The following NRXN1 variants were observed in gnomAD, a reference collection of about 807,000 sequenced individuals.
NRXN1 encodes the protein neurexin 1, also known as neurexin-1.
In NRXN1, 39 loss-of-function variants were observed where a neutral mutation model predicts 150.9. That is an observed-to-expected ratio of 0.26 (90% CI 0.20 to 0.34). The LOEUF is 0.34. Among genes scored for constraint, NRXN1 ranks in the 10% least tolerant of loss-of-function variants. The pLI is 1.00. For synonymous variants in NRXN1, 924 were observed against 757.0 expected (o/e 1.22, Z -3.62); for missense variants, 1,815 against 1,949.9 (o/e 0.93, Z 1.30).
intron 5 of NRXN1, among the ~76,000 whole-genome samples, chr2:50,818,114 C>CA (rs199675644): frequency 0.039 from 1,826 of 46,234 alleles, 26 homozygotes; most frequent in African/African-American, 0.1. Context: ...GACTCCATAG[C>CA]AAAAAAAAAA....
intron 18 of NRXN1, among the ~76,000 whole-genome samples, chr2:50,217,334 T>C (rs1195264764): frequency 6.6e-6 from 1 of 152,070 alleles, no homozygotes; most frequent in Non-Finnish European, 1.5e-5. Flanking sequence ...ATGTTCAACA[T>C]GCATATCAGA....
chr2:50,278,742 G>A (rs534489189), intron 17 of NRXN1, among the ~76,000 whole-genome samples: 2 of 152,186 alleles, frequency 1.3e-5, no homozygotes, highest in African/African-American at 4.8e-5. Flanking sequence ...GGATAGGCTG[G>A]AATTCAATTA....
chr2:50,170,893 T>C (rs1324450314), intron 18 of NRXN1, among the ~76,000 whole-genome samples: 3 of 151,966 alleles, frequency 2.0e-5, no homozygotes, highest in African/African-American at 7.2e-5. Context: ...CCCCAAATTT[T>C]AACAACCAGT....
chr2:50,716,419 A>C (rs775526996), intron 5 of NRXN1, among the ~76,000 whole-genome samples: 2 of 152,190 alleles, frequency 1.3e-5, no homozygotes, highest in Non-Finnish European at 2.9e-5. Flanking sequence ...TCATTGAAGA[A>C]AAAGAATAAA....
intron 17 of NRXN1, among the ~76,000 whole-genome samples, chr2:50,237,828 C>T (rs573662474): frequency 1.3e-5 from 2 of 152,026 alleles, no homozygotes; most frequent in South Asian, 2.1e-4. Flanking sequence ...AATGGTAAAC[C>T]CCATAAACCC....
chr2:50,418,652 G>A (rs1024661630), intron 17 of NRXN1, among the ~76,000 whole-genome samples: 2 of 151,950 alleles, frequency 1.3e-5, no homozygotes, highest in African/African-American at 4.8e-5. Flanking sequence ...CCCTTGTACA[G>A]GAGAACTCCC....
intron 8 of NRXN1, among the ~76,000 whole-genome samples, chr2:50,598,507 T>C (rs1245592638): frequency 6.6e-6 from 1 of 151,412 alleles, no homozygotes; most frequent in Non-Finnish European, 1.5e-5. Flanking sequence ...AAGCCATTTA[T>C]ACACATACTT....
intron 8 of NRXN1, among the ~76,000 whole-genome samples, chr2:50,588,536 A>G (rs1002499055): frequency 2.0e-5 from 3 of 152,158 alleles, no homozygotes; most frequent in Non-Finnish European, 2.9e-5. Flanking sequence ...AAAAATTTGT[A>G]ATGGTAAAAA....
intron 18 of NRXN1, among the ~76,000 whole-genome samples, chr2:50,114,405 G>C (rs1702759979): frequency 6.6e-6 from 1 of 152,162 alleles, no homozygotes; most frequent in South Asian, 2.1e-4. Flanking sequence ...TTCATTGTCA[G>C]TGGAAATGCA....
intron 5 of NRXN1, among the ~76,000 whole-genome samples, chr2:50,865,657 A>ATTTTTTTTTTTT (rs1559368492): frequency 2.5e-5 from 1 of 39,846 alleles, no homozygotes; most frequent in Admixed American, 2.4e-4. Flanking sequence ...AGCATTTGAA[A>ATTTTTTTTTTTT]GTTTTTTTTT....
intron 13 of NRXN1, among the ~76,000 whole-genome samples, chr2:50,501,234 T>C (rs1049952286): frequency 3.3e-5 from 5 of 152,128 alleles, no homozygotes; most frequent in African/African-American, 9.7e-5. Flanking sequence ...AACAAACAGC[T>C]ACAGAGCATG....
intron 16 of NRXN1, among the ~76,000 whole-genome samples, chr2:50,469,144 T>C (rs2104678703): frequency 6.6e-6 from 1 of 151,806 alleles, no homozygotes; most frequent in South Asian, 2.1e-4. Context: ...TCTAGGGCTC[T>C]ATCTCAGATC....
At chr2:50,875,192 A>G (rs1678386458) in intron 5 of NRXN1, among the ~76,000 whole-genome samples, 1 of 151,714 alleles carries the variant, frequency 6.6e-6, no homozygotes, top group Non-Finnish European at 1.5e-5. Flanking sequence ...TTTTCTTAAG[A>G]GGGGTACATT....
chr2:50,306,477 G>C (rs2074620900), intron 17 of NRXN1, among the ~76,000 whole-genome samples: 1 of 152,158 alleles, frequency 6.6e-6, no homozygotes, highest in Non-Finnish European at 1.5e-5. Flanking sequence ...ATTCAGAGGA[G>C]AAGCTATTTT....
chr2:49,969,067 T>C (rs1307931102), intron 21 of NRXN1, among the ~76,000 whole-genome samples: 2 of 152,114 alleles, frequency 1.3e-5, no homozygotes, highest in African/African-American at 4.8e-5. Flanking sequence ...GATAGTAAAA[T>C]TCCTAAAGGC....
In NRXN1 at chr2:50,347,132, C is replaced by G. The variant is rs1213391317; in HGVS notation, c.3365-110162G>C. 7.2e-7 allele frequency: 1 copy of G among 1,384,254 alleles called. No homozygotes were observed. Among genetic ancestry groups the G allele is most frequent in the Admixed American group, 2.2e-5 (1 of 46,400 alleles). 85.7% of individuals were successfully genotyped at this position (1,384,254 alleles called of 1,614,324 possible). A position where few individuals can be genotyped will look rare whatever the true frequency, so the allele number is the denominator to read the frequency against. On this transcript the variant is annotated intron_variant, in intron 17 of 22. Transcript: ENST00000401669. The surrounding 1 kb of genome is among the most constrained non-coding windows in gnomAD (Gnocchi z 4.9). The stretch of plus-strand genomic sequence containing the variant: ...CTCGGGGTCCTGGAGTCCGCCGTGC[C>G]TAGCACCCCAAACAATCCGAAACAT...
At chr2:50,779,511 G>A (rs1704073160) in intron 5 of NRXN1, among the ~76,000 whole-genome samples, 1 of 152,200 alleles carries the variant, frequency 6.6e-6, no homozygotes, top group Non-Finnish European at 1.5e-5. Context: ...GCTCACGCCT[G>A]TAATCCTAGC....
intron 5 of NRXN1, among the ~76,000 whole-genome samples, chr2:50,640,370 A>T (rs1039287087): frequency 6.6e-6 from 1 of 152,184 alleles, no homozygotes; most frequent in African/African-American, 2.4e-5. Context: ...TTTAAACTAA[A>T]ATTATACTTT....
chr2:50,529,473 C>T (rs1363469713), intron 11 of NRXN1, among the ~76,000 whole-genome samples: 12 of 152,100 alleles, frequency 7.9e-5, no homozygotes, highest in Admixed American at 4.6e-4. Flanking sequence ...GTAACACAAA[C>T]TGTAATTATA....
Sources: allele counts gnomAD v4.1 joint callset (sites outside exome capture counted in the v4.1 genomes callset), GRCh38; gene constraint gnomAD v4.1.1; non-coding constraint Gnocchi (gnomAD v3.1); transcripts MANE v1.5; gene names NCBI Gene and HGNC (gene_info 2026-07-23, HGNC 2026-07-21).